NPIPB8: variants seen among roughly 807,000 people sequenced by gnomAD.
NPIPB8 encodes nuclear pore complex-interacting protein family member B8.
NPIPB8 carries 3 observed loss-of-function variants against 5.3 expected under a neutral mutation model. That is an observed-to-expected ratio of 0.57 (90% CI 0.26 to 1.47). The LOEUF (loss-of-function observed/expected upper bound fraction) is 1.47, where lower values mean the gene tolerates loss of function less well. Ranked by LOEUF, NPIPB8 falls within the 40% of genes most tolerant of loss-of-function variation. NPIPB8 has a pLI of 0.13. For synonymous variants in NPIPB8, 18 were observed against 23.0 expected, an observed-to-expected ratio of 0.78 and a Z score of 0.62; for missense variants, 50 against 50.2, an observed-to-expected ratio of 1.00 and a Z score of 0.01.
chr16:28,638,607 T>C (rs543127543), intron 2 of NPIPB8, 127 bp downstream of exon 2: 2 of 1,378,832 alleles, frequency 1.5e-6, no homozygotes, highest in Non-Finnish European at 1.9e-6. Flanking sequence ...TTCTTCCTCT[T>C]TTTCTTTCCA....
intron 2 of NPIPB8, among the ~76,000 whole-genome samples, chr16:28,642,968 C>G (rs1404887905): frequency 6.6e-6 from 1 of 152,214 alleles, no homozygotes; most frequent in Admixed American, 6.5e-5. Context: ...TTTGGGCATA[C>G]TCTGTGTGAT....
chr16:28,642,650 A>G (rs1486425322), intron 2 of NPIPB8, among the ~76,000 whole-genome samples: 1 of 149,696 alleles, frequency 6.7e-6, no homozygotes, highest in East Asian at 2.0e-4. Context: ...ACACCCGGCT[A>G]ATTTTTATAT....
intron 2 of NPIPB8, among the ~76,000 whole-genome samples, chr16:28,645,190 C>T (rs2047980150): frequency 7.5e-6 from 1 of 132,982 alleles, no homozygotes; most frequent in African/African-American, 2.8e-5. Flanking sequence ...ATTACAACGC[C>T]TGGCTAATTT....
chr16:28,639,056 G>A (rs1164788846), intron 2 of NPIPB8, among the ~76,000 whole-genome samples: 2 of 144,624 alleles, frequency 1.4e-5, no homozygotes, highest in African/African-American at 5.3e-5. Context: ...GCGACAGAGC[G>A]AGACTCTGTC....
chr16:28,639,455 A>ATATAT (rs1342219323), intron 2 of NPIPB8, among the ~76,000 whole-genome samples: 1 of 120,842 alleles, frequency 8.3e-6, no homozygotes, highest in East Asian at 2.3e-4. Context: ...ATATATATAT[A>ATATAT]TTTTTTTTTT....
rs748577815 is a variant in NPIPB8, at chr16:28,638,485, G to A, written c.120+5G>A. 39 of 1,555,602 alleles carry A rather than the reference G, an allele frequency of 2.5e-5. No homozygotes were observed. The Middle Eastern group carries it at 1.8e-3, about 70-fold the overall frequency. On this transcript the variant is annotated splice_donor_5th_base_variant and intron_variant, in intron 2 of 7. Transcript: ENST00000683297. ...CCATGCGAGTACCTGAGGAAGGTGA[G>A]TGAGTGCAGACAAGATGGGGCCTGG...
In NPIPB8 at chr16:28,657,331, T is replaced by A; in HGVS notation, c.696+663T>A. 11 of 644,638 alleles carry A rather than the reference T, an allele frequency of 1.7e-5. 4 individuals are homozygous for A. The highest frequency in any genetic ancestry group is 1.9e-5 in the Non-Finnish European group (11 of 570,472). The allele number at this position is 644,638 out of a possible 1,614,324, so 39.9% of individuals were successfully genotyped here. On this transcript the variant is annotated intron_variant, in intron 7 of 7. Transcript: ENST00000683297. ...GCTCTTTGTTCTCATGGGTGGCACC[T>A]CCAGAGTGAAGAAGTTCCTTTGTCA...
intron 2 of NPIPB8, among the ~76,000 whole-genome samples, chr16:28,642,394 A>T (rs897430025): frequency 6.6e-6 from 1 of 152,056 alleles, no homozygotes; most frequent in Non-Finnish European, 1.5e-5. Flanking sequence ...GTGAGCCACC[A>T]TGCCCAGCCA....
At position 28,638,465 on chromosome 16, in the gene NPIPB8, C is replaced by A. The variant is rs576484216; in HGVS notation, c.105C>A (p.Cys35Ter). The part of the protein sequence containing the change: ...QQHVKSVTCP[C>*]EYLRKVINSL... ...ATGTAAAGTCAGTGACATGCCCATG[C>A]GAGTACCTGAGGAAGGTGAGTGAGT... Residue 35 changes from cysteine to a stop codon, truncating the protein, a stop_gained, in exon 2 of 8, where the codon TGC becomes TGA. Transcript: ENST00000683297. LOFTEE classifies it high-confidence loss of function. 1.1e-5 allele frequency: 17 copies of A among 1,567,718 alleles called. No individual in the cohort carries two copies. Among genetic ancestry groups the A allele is most frequent in the Non-Finnish European group, 1.5e-5 (17 of 1,163,922 alleles).
At chr16:28,645,253 T>C (rs1376316917) in intron 2 of NPIPB8, among the ~76,000 whole-genome samples, 2 of 109,882 alleles carry the variant, frequency 1.8e-5, no homozygotes, top group Non-Finnish European at 4.0e-5. Context: ...ATAGTCTCCA[T>C]CTCTTGACCT....
chr16:28,640,139 T>A (rs3927083), intron 2 of NPIPB8, among the ~76,000 whole-genome samples: 1 of 151,068 alleles, frequency 6.6e-6, no homozygotes, highest in Admixed American at 6.6e-5. Flanking sequence ...CTGAAACCTA[T>A]GTGTGTCTGA....
intron 2 of NPIPB8, among the ~76,000 whole-genome samples, chr16:28,642,815 G>T (rs1315875382): frequency 1.3e-5 from 2 of 151,720 alleles, no homozygotes; most frequent in Non-Finnish European, 3.0e-5. Context: ...GTTTCTTAGG[G>T]TTGTTTTTCT....
chr16:28,641,061 C>T (rs1441594888), intron 2 of NPIPB8, among the ~76,000 whole-genome samples: 1 of 152,100 alleles, frequency 6.6e-6, no homozygotes, highest in Non-Finnish European at 1.5e-5. Flanking sequence ...GACAGTGCCC[C>T]TGTGTCGTGC....
intron 2 of NPIPB8, among the ~76,000 whole-genome samples, chr16:28,641,922 G>A (rs1444462544): frequency 5.1e-5 from 7 of 136,398 alleles, no homozygotes; most frequent in Admixed American, 3.1e-4. Flanking sequence ...TCCATTGTTC[G>A]AGACCCCAAA....
chr16:28,642,498 T>C (rs1372700356), intron 2 of NPIPB8, among the ~76,000 whole-genome samples: 1 of 150,436 alleles, frequency 6.6e-6, no homozygotes, highest in Admixed American at 6.6e-5. Context: ...GTTGTTGCTG[T>C]TTTTGAGACA....
At chr16:28,644,947 T>A (rs372294109) in intron 2 of NPIPB8, among the ~76,000 whole-genome samples, 1 of 98,594 alleles carries the variant, frequency 1.0e-5, no homozygotes, top group Non-Finnish European at 2.1e-5. Context: ...TGCAGTGAGC[T>A]GAGATGGCCC....
intron 2 of NPIPB8, among the ~76,000 whole-genome samples, chr16:28,642,845 G>A (rs1340075213): frequency 6.6e-6 from 1 of 152,080 alleles, no homozygotes; most frequent in East Asian, 1.9e-4. Context: ...AAAGGCATTG[G>A]CTTTCCATTT....
At chr16:28,652,861 C>G (rs1425281245) in intron 5 of NPIPB8, among the ~76,000 whole-genome samples, 1 of 136,652 alleles carries the variant, frequency 7.3e-6, no homozygotes, top group Non-Finnish European at 1.6e-5. Context: ...CTCAGCCTCC[C>G]AAAGTGCTGG....
chr16:28,645,039 CT>C (rs1241912180), intron 2 of NPIPB8, among the ~76,000 whole-genome samples: 6,819 of 66,272 alleles, frequency 0.1, 523 homozygotes, highest in East Asian at 0.17. Context: ...GGTTTGATGA[CT>C]TTTTTTTTTT....
Sources: gnomAD v4.1 joint callset for allele counts (sites outside exome capture counted in the v4.1 genomes callset) on GRCh38, gnomAD v4.1.1 for gene constraint, MANE v1.5 for transcripts, NCBI Gene and HGNC (gene_info 2026-07-23, HGNC 2026-07-21) for gene names.